The following SLC6A13 variants were observed in gnomAD, a reference collection of about 807,000 sequenced individuals.
The protein encoded by SLC6A13 is sodium- and chloride-dependent GABA transporter 2.
In SLC6A13, 69 loss-of-function variants were observed where a neutral mutation model predicts 72.9. The ratio of observed to expected loss-of-function variants is 0.95; its 90% CI spans 0.78 to 1.16. The LOEUF (loss-of-function observed/expected upper bound fraction) is 1.16. Among genes scored for constraint, SLC6A13 ranks in the 50% most tolerant of loss-of-function variants. The pLI, the probability that SLC6A13 is intolerant of heterozygous loss-of-function variation, is 0.00. For missense variants in SLC6A13, 735 were observed against 760.5 expected (o/e 0.97, Z 0.39); for synonymous variants, 303 against 303.0 (o/e 1.00, Z 0.00).
intron 2 of SLC6A13, among the ~76,000 whole-genome samples, chr12:253,203 C>A (rs3782858): frequency 0.018 from 2,686 of 152,306 alleles, 105 homozygotes; most frequent in South Asian, 0.16. Context: ...TCTTGGCCCC[C>A]CTTCTCAAAA....
intron 6 of SLC6A13, among the ~76,000 whole-genome samples, chr12:236,607 TGTGCTTAGC>T (rs1355040574): frequency 1.3e-5 from 2 of 152,214 alleles, no homozygotes; most frequent in Non-Finnish European, 2.9e-5. Context: ...TCCCAATAAG[TGTGCTTAGC>T]GTTCATGGCA....
intron 4 of SLC6A13, among the ~76,000 whole-genome samples, 160 bp downstream of exon 4, chr12:242,454 C>T (rs1459065146): frequency 2.0e-5 from 3 of 152,146 alleles, no homozygotes; most frequent in African/African-American, 4.8e-5. Flanking sequence ...TTGCCTGTGA[C>T]GCTGGTGAAT....
chr12:224,491 A>T lies in SLC6A13; in HGVS notation c.1083T>A (p.Ala361=), dbSNP rs1340892508. ...AESGPGLAFI[A]YPRAVVMLPF... ...GCAGCATCACCACAGCCCGCGGGTA[A>T]GCGATGAAAGCCAGGCCAGGGCCTA... is the stretch of plus-strand genomic sequence containing the variant. The change falls in exon 10 of 15, where the codon GCT becomes GCA. Residue 361 remains alanine (A), a synonymous_variant. Transcript: ENST00000343164. 5.0e-6 allele frequency: 8 copies of T among 1,614,010 alleles called. No individual in the cohort carries two copies. Among genetic ancestry groups the T allele is most frequent in the Non-Finnish European group, 6.8e-6 (8 of 1,180,042 alleles).
intron 11 of SLC6A13, 95 bp downstream of exon 11, chr12:223,897 C>T: frequency 1.4e-6 from 2 of 1,442,078 alleles, no homozygotes; most frequent in Non-Finnish European, 1.9e-6. Flanking sequence ...AGAAGACCTG[C>T]CCTGACCGGG....
chr12:248,103 A>C (rs1185656391), intron 2 of SLC6A13, among the ~76,000 whole-genome samples: 2 of 152,198 alleles, frequency 1.3e-5, no homozygotes, highest in Non-Finnish European at 2.9e-5. Flanking sequence ...AGGATGATAG[A>C]GTTAAACCTA....
chr12:241,520 T>C (rs1391821445), intron 4 of SLC6A13, among the ~76,000 whole-genome samples: 1 of 152,182 alleles, frequency 6.6e-6, no homozygotes, highest in Non-Finnish European at 1.5e-5. Context: ...TAACATTCAA[T>C]GCAAATGTTA....
intron 2 of SLC6A13, chr12:259,608 AC>A: frequency 7.0e-7 from 1 of 1,419,016 alleles, no homozygotes; most frequent in Non-Finnish European, 9.2e-7. Flanking sequence ...ACTCTCATCC[AC>A]CTGGTTCCAG....
chr12:224,927 C>T (rs1411819136), intron 9 of SLC6A13, among the ~76,000 whole-genome samples: 6 of 152,194 alleles, frequency 3.9e-5, no homozygotes, highest in East Asian at 1.9e-4. Flanking sequence ...GGAGCGATCA[C>T]GCCCCAGCTC....
intron 7 of SLC6A13, among the ~76,000 whole-genome samples, chr12:234,442 C>T (rs551532992): frequency 6.6e-6 from 1 of 152,200 alleles, no homozygotes; most frequent in Non-Finnish European, 1.5e-5. Flanking sequence ...CTGGGGCTGC[C>T]CTGCCTATGG....
chr12:224,251 T>C (rs760090376), intron 10 of SLC6A13, 122 bp from the exon 11 acceptor site: 110 of 1,433,266 alleles, frequency 7.7e-5, no homozygotes, highest in Non-Finnish European at 1.0e-4. Context: ...TCCCCTGAGC[T>C]ATTGTCCTTG....
chr12:226,158 A>G (rs1299271068), intron 9 of SLC6A13, among the ~76,000 whole-genome samples: 3 of 152,240 alleles, frequency 2.0e-5, no homozygotes. Flanking sequence ...GGCTGCTTCC[A>G]GGGTAATGAA....
chr12:259,727 A>G (rs1408776623), intron 2 of SLC6A13, 124 bp downstream of exon 2: 3 of 1,596,654 alleles, frequency 1.9e-6, no homozygotes, highest in Non-Finnish European at 2.6e-6. Flanking sequence ...AATGACCTCT[A>G]AGCGTCCTCC....
intron 3 of SLC6A13, among the ~76,000 whole-genome samples, chr12:243,212 A>G (rs944908340): frequency 1.6e-4 from 24 of 152,104 alleles, no homozygotes; most frequent in African/African-American, 5.8e-4. Context: ...TTTTAGTTTC[A>G]CCATGTTGGC....
At chr12:241,862 G>A (rs548921816) in intron 4 of SLC6A13, among the ~76,000 whole-genome samples, 2 of 152,242 alleles carry the variant, frequency 1.3e-5, no homozygotes, top group Non-Finnish European at 2.9e-5. Flanking sequence ...CAACGCTTCA[G>A]CCAACAGTGG....
In SLC6A13 at chr12:221,503, T is replaced by C. The variant is rs756415878; in HGVS notation, c.1559A>G (p.Tyr520Cys). 35 of 1,612,448 alleles carry C rather than the reference T, an allele frequency of 2.2e-5. No homozygotes were observed. Among genetic ancestry groups the C allele is most frequent in the Non-Finnish European group, 3.0e-5 (35 of 1,179,356 alleles). Residue 520 changes from tyrosine (Y) to cysteine (C), a missense_variant, in exon 14 of 15, where the codon TAC becomes TGC. Tyr to Cys is a radical substitution (Grantham distance 194). Coordinates refer to ENST00000343164, the MANE Select transcript of SLC6A13 (RefSeq NM_016615.5). The stretch of plus-strand genomic sequence containing the variant: ...CCACGGGTACGTGTACTTCTTGTTG[T>C]AGGTCAGCGGAGTGTACTTTATCAG... ...FSLIKYTPLT[Y>C]NKKYTYPWWG...
chr12:228,934 TGCATCAGGG>T (rs1941590482), intron 7 of SLC6A13, among the ~76,000 whole-genome samples: 1 of 152,208 alleles, frequency 6.6e-6, no homozygotes, highest in Non-Finnish European at 1.5e-5. Flanking sequence ...CTATGGCCCC[TGCATCAGGG>T]GTGCACCCAG....
intron 7 of SLC6A13, among the ~76,000 whole-genome samples, chr12:228,106 G>T (rs1156443224): frequency 6.6e-6 from 1 of 152,082 alleles, no homozygotes; most frequent in Non-Finnish European, 1.5e-5. Flanking sequence ...ATGTAGCTTT[G>T]CCCCTCACGT....
chr12:223,199 A>C lies in SLC6A13; in HGVS notation c.1347T>G (p.Tyr449Ter). Residue 449 changes from tyrosine to a stop codon, truncating the protein, a stop_gained, in exon 12 of 15, where the codon TAT (tyrosine) becomes TAG (stop). Coordinates refer to ENST00000343164, the MANE Select transcript of SLC6A13 (RefSeq NM_016615.5). LOFTEE classifies it high-confidence loss of function. Reference protein sequence around the residue: ...GMYVFQLFDYYAASGMCLLFV... With the variant: ...GMYVFQLFDY ...ACAGGAGGCACATGCCACTGGCCGC[A>C]TAGTAGTCAAAGAGCTGGAACACGT... The C allele has an allele frequency of 6.2e-7, 1 of 1,613,766 alleles. No individual in the cohort carries two copies. The highest frequency in any genetic ancestry group is 8.5e-7 in the Non-Finnish European group (1 of 1,179,658).
chr12:252,574 C>T (rs1942590500), intron 2 of SLC6A13, among the ~76,000 whole-genome samples: 1 of 152,176 alleles, frequency 6.6e-6, no homozygotes, highest in African/African-American at 2.4e-5. Context: ...ATAATTCAGG[C>T]ACTAAGGGGG....
Sources: allele counts gnomAD v4.1 joint callset (sites outside exome capture counted in the v4.1 genomes callset), GRCh38; gene constraint gnomAD v4.1.1; transcripts MANE v1.5; gene names NCBI Gene and HGNC (gene_info 2026-07-23, HGNC 2026-07-21).